CSMD1: variants seen among roughly 807,000 people sequenced by gnomAD.
CSMD1 encodes the protein CUB and Sushi multiple domains 1, also known as CUB and sushi domain-containing protein 1.
CSMD1 carries 213 observed loss-of-function variants against 417.5 expected under a neutral mutation model. The ratio of observed to expected loss-of-function variants is 0.51; its 90% CI spans 0.46 to 0.57. The LOEUF (loss-of-function observed/expected upper bound fraction) is 0.57. Among genes scored for constraint, CSMD1 ranks in the 20% least tolerant of loss-of-function variants. The pLI, the probability that CSMD1 is intolerant of heterozygous loss-of-function variation, is 0.00. For missense variants in CSMD1, 6,923 were observed against 4,529.7 expected (o/e 1.53, Z -15.17); for synonymous variants, 2,862 against 1,736.8 (o/e 1.65, Z -16.11).
intron 3 of CSMD1, among the ~76,000 whole-genome samples, chr8:4,382,269 G>A (rs541892348): frequency 6.6e-6 from 1 of 152,192 alleles, no homozygotes; most frequent in Non-Finnish European, 1.5e-5. Context: ...TGACCTGACA[G>A]CACTGGGGCT....
chr8:3,499,753 T>C (rs747204122), intron 10 of CSMD1, among the ~76,000 whole-genome samples: 9 of 152,024 alleles, frequency 5.9e-5, no homozygotes, highest in Non-Finnish European at 1.0e-4. Context: ...GCTGGGGTCA[T>C]AGTCCTGCAT....
intron 5 of CSMD1, among the ~76,000 whole-genome samples, chr8:3,995,881 T>C (rs1281316534): frequency 6.6e-6 from 1 of 152,212 alleles, no homozygotes; most frequent in Non-Finnish European, 1.5e-5. Flanking sequence ...TTCCCACTGA[T>C]AACTTTCCCA....
intron 5 of CSMD1, among the ~76,000 whole-genome samples, chr8:3,863,441 A>G (rs919682345): frequency 6.6e-5 from 10 of 151,910 alleles, no homozygotes; most frequent in African/African-American, 1.9e-4. Flanking sequence ...TGTGGGTAGA[A>G]TCTTCGTGAC....
intron 5 of CSMD1, among the ~76,000 whole-genome samples, chr8:3,966,990 T>G (rs1812719114): frequency 6.6e-6 from 1 of 152,172 alleles, no homozygotes; most frequent in Non-Finnish European, 1.5e-5. Flanking sequence ...GGGTACATCT[T>G]CCACTGTAGA....
intron 3 of CSMD1, among the ~76,000 whole-genome samples, chr8:4,193,905 C>T (rs534361459): frequency 6.6e-6 from 1 of 151,688 alleles, no homozygotes; most frequent in South Asian, 2.1e-4. Context: ...CGAAGGAAAG[C>T]GGCAGGAGAA....
intron 2 of CSMD1, among the ~76,000 whole-genome samples, chr8:4,420,688 T>C (rs1797200614): frequency 6.6e-6 from 1 of 151,998 alleles, no homozygotes; most frequent in African/African-American, 2.4e-5. Flanking sequence ...GAAAAGTGAG[T>C]GAGATGGTCA....
chr8:3,282,981 C>T (rs879278450), intron 26 of CSMD1, among the ~76,000 whole-genome samples: 4 of 152,206 alleles, frequency 2.6e-5, no homozygotes, highest in South Asian at 4.2e-4. Flanking sequence ...CGGTGCCATC[C>T]GAAGGGCACT....
At chr8:4,522,300 G>A (rs886345734) in intron 2 of CSMD1, among the ~76,000 whole-genome samples, 1 of 152,094 alleles carries the variant, frequency 6.6e-6, no homozygotes, top group Non-Finnish European at 1.5e-5. Flanking sequence ...ATAATTGTGA[G>A]GCCTCCCCAG....
At chr8:3,669,067 G>A (rs151035884) in intron 7 of CSMD1, among the ~76,000 whole-genome samples, 62 of 152,210 alleles carry the variant, frequency 4.1e-4, no homozygotes, top group Admixed American at 1.0e-3. Flanking sequence ...ACTAAGGAAC[G>A]ACCCCACTAG....
chr8:4,454,607 G>C (rs530842718), intron 2 of CSMD1, among the ~76,000 whole-genome samples: 1 of 152,134 alleles, frequency 6.6e-6, no homozygotes, highest in African/African-American at 2.4e-5. Flanking sequence ...GGGGAAGGAG[G>C]GCATAGCAGA....
At chr8:3,173,263 T>A (rs1311548889) in intron 37 of CSMD1, among the ~76,000 whole-genome samples, 1 of 152,190 alleles carries the variant, frequency 6.6e-6, no homozygotes, top group Non-Finnish European at 1.5e-5. Flanking sequence ...AAATATTGAA[T>A]GCCTAAAGTA....
intron 8 of CSMD1, among the ~76,000 whole-genome samples, chr8:3,597,203 G>C (rs112041247): frequency 1.2e-4 from 19 of 152,254 alleles, no homozygotes; most frequent in African/African-American, 4.3e-4. Flanking sequence ...CACAGGAACT[G>C]AGAGGACTCA....
intron 44 of CSMD1, 55 bp from the exon 45 acceptor site, chr8:3,107,853 CA>C: frequency 9.0e-7 from 1 of 1,111,230 alleles, no homozygotes; most frequent in Non-Finnish European, 1.3e-6. Flanking sequence ...GCTGAATAAA[CA>C]CAACTATTAC....
intron 2 of CSMD1, among the ~76,000 whole-genome samples, chr8:4,553,975 C>T (rs1245652681): frequency 6.6e-6 from 1 of 152,182 alleles, no homozygotes; most frequent in Non-Finnish European, 1.5e-5. Flanking sequence ...CTGATGTCTG[C>T]TGGCATGAGA....
chr8:4,479,482 C>A (rs1405049852), intron 2 of CSMD1, among the ~76,000 whole-genome samples: 1 of 152,104 alleles, frequency 6.6e-6, no homozygotes, highest in Non-Finnish European at 1.5e-5. Flanking sequence ...ATAACAAAGA[C>A]CTTAATGGAT....
chr8:3,853,000 C>G (rs1002755332), intron 5 of CSMD1, among the ~76,000 whole-genome samples: 1 of 152,276 alleles, frequency 6.6e-6, no homozygotes, highest in African/African-American at 2.4e-5. Context: ...CTTGACTTGA[C>G]ATCACCTCGT....
At chr8:4,598,962 A>C (rs1800427798) in intron 2 of CSMD1, among the ~76,000 whole-genome samples, 3 of 152,216 alleles carry the variant, frequency 2.0e-5, no homozygotes, top group Admixed American at 2.0e-4. Context: ...ATGTTAAACC[A>C]ATTGTTAGTC....
intron 34 of CSMD1, 55 bp downstream of exon 34, chr8:3,189,857 C>T (rs926887801): frequency 3.2e-5 from 46 of 1,457,720 alleles, no homozygotes; most frequent in South Asian, 6.1e-5. Flanking sequence ...TGAGAAGTAA[C>T]TCTTTGGCAC....
chr8:3,427,789 G>C (rs1313453834), intron 12 of CSMD1, among the ~76,000 whole-genome samples: 3 of 152,250 alleles, frequency 2.0e-5, no homozygotes, highest in Non-Finnish European at 4.4e-5. Flanking sequence ...GAGGAAACAA[G>C]AGACTACTTT....
Sources: allele counts gnomAD v4.1 joint callset (sites outside exome capture counted in the v4.1 genomes callset), GRCh38; gene constraint gnomAD v4.1.1; transcripts MANE v1.5; gene names NCBI Gene and HGNC (gene_info 2026-07-23, HGNC 2026-07-21).